IGF1R: variants seen among roughly 807,000 people sequenced by gnomAD.
IGF1R encodes insulin like growth factor 1 receptor, also known as insulin-like growth factor 1 receptor.
A neutral mutation model predicts 144.6 loss-of-function variants in IGF1R; 44 were observed. The ratio of observed to expected loss-of-function variants is 0.30; its 90% CI spans 0.24 to 0.39. IGF1R has a LOEUF of 0.39. IGF1R is among the 10% of genes least tolerant of loss of function. The pLI is 1.00. For missense variants in IGF1R, 1,355 were observed against 1,833.7 expected, an observed-to-expected ratio of 0.74 and a Z score of 4.77; for synonymous variants, 795 against 722.8, an observed-to-expected ratio of 1.10 and a Z score of -1.60.
rs2017192658 is a variant in IGF1R at position 98,960,782 on chromosome 15, C to T, written c.*3340C>T. 4.3e-6 allele frequency: 1 copy of T among 233,718 alleles called. No homozygotes were observed. The highest frequency in any genetic ancestry group is 2.2e-5 in the African/African-American group (1 of 45,340). 14.5% of individuals were successfully genotyped at this position (233,718 alleles called of 1,614,324 possible). The stretch of plus-strand genomic sequence containing the variant: ...GATAGAACACACGCAGGAGCAGAGT[C>T]CCCTCCCCCTCCAGGCTGCCCTCTC... On this transcript the variant is annotated 3_prime_UTR_variant, in exon 21 of 21. Transcript: ENST00000650285.
At chr15:98,771,189 A>G (rs1036749992) in intron 2 of IGF1R, among the ~76,000 whole-genome samples, 2 of 152,142 alleles carry the variant, frequency 1.3e-5, no homozygotes, top group South Asian at 2.1e-4. Context: ...CCTCCATCCA[A>G]GCACCCACGT....
chr15:98,674,525 A>C (rs562809074), intron 1 of IGF1R, among the ~76,000 whole-genome samples: 5 of 152,304 alleles, frequency 3.3e-5, no homozygotes, highest in African/African-American at 1.2e-4. Flanking sequence ...TCACGTGTAC[A>C]CATAGCACTA....
intron 2 of IGF1R, among the ~76,000 whole-genome samples, chr15:98,883,774 C>A (rs1050838544): frequency 2.0e-5 from 3 of 152,142 alleles, no homozygotes; most frequent in African/African-American, 7.2e-5. Context: ...CCCTTTCTGT[C>A]GAAAGTGTTC....
chr15:98,659,215 C>T (rs1289563009), intron 1 of IGF1R, among the ~76,000 whole-genome samples: 1 of 152,108 alleles, frequency 6.6e-6, no homozygotes, highest in African/African-American at 2.4e-5. Flanking sequence ...AACAAGATGG[C>T]ATGTTGCTTA....
chr15:98,728,029 T>TTTTA (rs869246687), intron 2 of IGF1R, among the ~76,000 whole-genome samples: 14 of 150,482 alleles, frequency 9.3e-5, no homozygotes, highest in African/African-American at 2.2e-4. Flanking sequence ...TTTTTTTTTT[T>TTTTA]AAGCGAGCAG....
rs1396049911 is a variant in IGF1R at position 98,676,091 on chromosome 15, A to T, written c.94+26416A>T. On this transcript the variant is annotated intron_variant, in intron 1 of 20. Coordinates refer to ENST00000650285, the MANE Select transcript of IGF1R (RefSeq NM_000875.5). ...GTGATCCGCCCACCTCACCTTCCCAAAGTGTTGGGATTACAGACGTGAGCC... is the reference window on the plus strand; with the variant it reads ...GTGATCCGCCCACCTCACCTTCCCATAGTGTTGGGATTACAGACGTGAGCC... Among the ~76,000 whole-genome samples, 6 of 151,046 alleles carry T rather than the reference A, an allele frequency of 4.0e-5. No individual in the cohort carries two copies. In the East Asian group the frequency reaches 1.2e-3, roughly 30 times the overall value.
intron 19 of IGF1R, among the ~76,000 whole-genome samples, chr15:98,947,490 A>C (rs2016597469): frequency 6.6e-6 from 1 of 151,984 alleles, no homozygotes; most frequent in Non-Finnish European, 1.5e-5. Flanking sequence ...TCCCGCCCCT[A>C]CTTGGTGATG....
intron 2 of IGF1R, among the ~76,000 whole-genome samples, chr15:98,709,697 G>T (rs889735462): frequency 2.0e-5 from 3 of 152,204 alleles, no homozygotes; most frequent in African/African-American, 7.2e-5. Flanking sequence ...ACCTTGGATG[G>T]GCCAGCCCTT....
chr15:98,877,861 C>G (rs565711827), intron 2 of IGF1R, among the ~76,000 whole-genome samples: 75 of 152,282 alleles, frequency 4.9e-4, no homozygotes, highest in African/African-American at 1.8e-3. Context: ...ACATTGCATA[C>G]TCTTCTCTAA....
intron 10 of IGF1R, among the ~76,000 whole-genome samples, chr15:98,921,372 T>C (rs1428224452): frequency 6.6e-6 from 1 of 152,202 alleles, no homozygotes; most frequent in East Asian, 1.9e-4. Context: ...AGAATGTCCT[T>C]TTTGTGATGA....
chr15:98,728,010 T>TTTG (rs1305944439), intron 2 of IGF1R, among the ~76,000 whole-genome samples: 1 of 148,628 alleles, frequency 6.7e-6, no homozygotes, highest in Non-Finnish European at 1.5e-5. Context: ...ATGCATTGTT[T>TTTG]TTTTTTTTTT....
intron 1 of IGF1R, among the ~76,000 whole-genome samples, chr15:98,665,734 G>A (rs893919397): frequency 1.3e-5 from 2 of 152,234 alleles, no homozygotes; most frequent in South Asian, 2.1e-4. Flanking sequence ...CAGCTGGAGC[G>A]GCCCATGGCT....
chr15:98,808,886 C>T (rs1018987016), intron 2 of IGF1R, among the ~76,000 whole-genome samples: 1 of 152,088 alleles, frequency 6.6e-6, no homozygotes, highest in Admixed American at 6.5e-5. Context: ...CAGAGTCTTA[C>T]TCTATTGCCC....
At chr15:98,662,638 C>T (rs2052627510) in intron 1 of IGF1R, among the ~76,000 whole-genome samples, 1 of 152,046 alleles carries the variant, frequency 6.6e-6, no homozygotes, top group Admixed American at 6.5e-5. Flanking sequence ...GTAACAGATG[C>T]TATGAGTTTA....
intron 2 of IGF1R, among the ~76,000 whole-genome samples, chr15:98,802,213 T>G (rs1844806658): frequency 6.6e-6 from 1 of 152,194 alleles, no homozygotes. Context: ...CGATCACTGT[T>G]TATAGCCAGT....
intron 2 of IGF1R, among the ~76,000 whole-genome samples, chr15:98,854,039 T>G (rs145564150): frequency 1.8e-4 from 27 of 152,368 alleles, no homozygotes; most frequent in Admixed American, 3.3e-4. Flanking sequence ...CTGATGGAAT[T>G]AATGCATATC....
chr15:98,856,491 G>A (rs1318339078), intron 2 of IGF1R, among the ~76,000 whole-genome samples: 2 of 152,214 alleles, frequency 1.3e-5, no homozygotes, highest in Non-Finnish European at 2.9e-5. Flanking sequence ...GTGTTTAACT[G>A]CAATAAATGT....
At chr15:98,742,105 C>T (rs1233389462) in intron 2 of IGF1R, among the ~76,000 whole-genome samples, 3 of 152,164 alleles carry the variant, frequency 2.0e-5, no homozygotes, top group Admixed American at 2.0e-4. Context: ...GTGTTTTCTT[C>T]CCTAGCTGTG....
chr15:98,712,012 C>T (rs1267654569), intron 2 of IGF1R, among the ~76,000 whole-genome samples: 1 of 152,142 alleles, frequency 6.6e-6, no homozygotes, highest in Non-Finnish European at 1.5e-5. Flanking sequence ...TTTGTGAGGG[C>T]TCCACCCTCA....
Sources: allele counts gnomAD v4.1 joint callset (sites outside exome capture counted in the v4.1 genomes callset), GRCh38; gene constraint gnomAD v4.1.1; transcripts MANE v1.5; gene names NCBI Gene and HGNC (gene_info 2026-07-23, HGNC 2026-07-21).